Variants in CRISP2 observed in about 807,000 individuals in gnomAD.
The protein encoded by CRISP2 is cysteine rich secretory protein 2.
CRISP2 carries 29 observed loss-of-function variants against 31.7 expected under a neutral mutation model. That is an observed-to-expected ratio of 0.92 (90% confidence interval 0.68 to 1.25). CRISP2 has a LOEUF of 1.25. CRISP2 is among the 50% of genes most tolerant of loss of function. CRISP2 has a pLI of 0.00. For synonymous variants in CRISP2, 111 were observed against 101.4 expected (o/e 1.09, Z -0.57); for missense variants, 318 against 286.5 (o/e 1.11, Z -0.79).
rs1765036119 is a variant in CRISP2 at position 49,697,864 on chromosome 6, G to A, written c.511C>T (p.Pro171Ser). 1 of 1,611,004 alleles carries A rather than the reference G, an allele frequency of 6.2e-7. No homozygotes were observed. ...AACTCTAAACAGTCTACTTACGCAG[G>A]ACAATATTGGCAAACATAGTAGTAT... ...LKYYYVCQYC[P>S]AGNNMNRKNT... The change falls in exon 8 of 10, where the codon CCT (proline) becomes TCT (serine). Residue 171 changes from proline to serine, a missense_variant. Pro to Ser is a moderately conservative substitution (Grantham distance 74, BLOSUM62 -1). Transcript: ENST00000339139.
At chr6:49,711,374 T>C (rs1767982919) in intron 2 of CRISP2, 53 bp from the exon 3 acceptor site, 2 of 152,198 alleles carry the variant, frequency 1.3e-5, no homozygotes, top group South Asian at 4.1e-4. Flanking sequence ...ATTACACATA[T>C]TCCTGTTTTG....
intron 5 of CRISP2, 39 bp downstream of exon 5, chr6:49,700,629 G>T: frequency 7.7e-7 from 1 of 1,304,026 alleles, no homozygotes; most frequent in Non-Finnish European, 1.1e-6. Flanking sequence ...TCCTTCCACA[G>T]CTGATTCACA....
intron 9 of CRISP2, among the ~76,000 whole-genome samples, chr6:49,695,045 A>G (rs1486803496): frequency 6.6e-6 from 1 of 152,172 alleles, no homozygotes; most frequent in Non-Finnish European, 1.5e-5. Context: ...ACTGAGTCAG[A>G]AAAAATGCTT....
At chr6:49,710,210 C>T (rs1032674770) in intron 3 of CRISP2, among the ~76,000 whole-genome samples, 2 of 152,092 alleles carry the variant, frequency 1.3e-5, no homozygotes, top group Non-Finnish European at 2.9e-5. Flanking sequence ...TGCCTTTATG[C>T]TCAATTATGT....
chr6:49,712,858 G>A (rs1768282847), intron 1 of CRISP2, among the ~76,000 whole-genome samples: 2 of 152,124 alleles, frequency 1.3e-5, no homozygotes, highest in South Asian at 2.1e-4. Flanking sequence ...ACTACTAGTT[G>A]GCTAACTTGC....
At chr6:49,703,286 G>C (rs1448929002) in intron 4 of CRISP2, among the ~76,000 whole-genome samples, 2 of 151,476 alleles carry the variant, frequency 1.3e-5, no homozygotes, top group African/African-American at 4.9e-5. Flanking sequence ...GTTTTGTTTT[G>C]CTTTGGCTAT....
intron 4 of CRISP2, among the ~76,000 whole-genome samples, chr6:49,704,082 G>C (rs1766575135): frequency 6.6e-6 from 1 of 151,850 alleles, no homozygotes; most frequent in African/African-American, 2.4e-5. Flanking sequence ...TGTTAGAATG[G>C]GTTAATTCAA....
intron 9 of CRISP2, among the ~76,000 whole-genome samples, chr6:49,694,937 T>C (rs536956936): frequency 2.6e-4 from 40 of 152,016 alleles, no homozygotes; most frequent in Admixed American, 3.9e-4. Context: ...TTTCACCGTA[T>C]TGGCCAGGTT....
At chr6:49,683,457 G>A in the CRISP2 span, among the ~76,000 whole-genome samples, 2 of 149,224 alleles carry the variant, frequency 1.3e-5, no homozygotes, top group African/African-American at 2.5e-5. Context: ...GGCAGATCAC[G>A]AGGTCAGCAG....
At chr6:49,699,961 A>C in intron 5 of CRISP2, 70 bp from the exon 6 acceptor site, 1 of 1,327,566 alleles carries the variant, frequency 7.5e-7, no homozygotes, top group Non-Finnish European at 1.1e-6. Context: ...TTATAATCTG[A>C]TTTGTAAATA....
intron 9 of CRISP2, among the ~76,000 whole-genome samples, chr6:49,694,184 C>T (rs566745203): frequency 1.0e-3 from 152 of 152,250 alleles, no homozygotes; most frequent in African/African-American, 3.5e-3. Flanking sequence ...AACTTGGTTA[C>T]GAGAAGGGTG....
intron 2 of CRISP2, among the ~76,000 whole-genome samples, chr6:49,712,075 A>G (rs1428838566): frequency 6.6e-6 from 1 of 152,208 alleles, no homozygotes; most frequent in East Asian, 1.9e-4. Context: ...GGAAAATACA[A>G]TCAGTATAAT....
Position 49,699,898 on chromosome 6 carries a change from G to C in CRISP2, c.184-7C>G. 4 of 1,610,634 alleles carry C rather than the reference G, an allele frequency of 2.5e-6. 1 individual carries two copies. In the South Asian group the frequency reaches 3.3e-5, roughly 13 times the overall value. On this transcript the variant is annotated splice_polypyrimidine_tract_variant and splice_region_variant and intron_variant, in intron 5 of 9. Transcript: ENST00000339139. ...TTACCTCTCTGCTCCATTCCTAAAC[G>C]TCACAAGAAAACAAAATACACTTAA... is the stretch of plus-strand genomic sequence containing the variant.
rs1237182608 is a variant in CRISP2, at chr6:49,701,890, T to C, written c.67-1106A>G. 2.1e-4 allele frequency among the ~76,000 whole-genome samples: 19 copies of C among 89,150 alleles called. 1 individual carries two copies. The highest frequency in any genetic ancestry group is 8.2e-4 in the African/African-American group (18 of 21,842). The allele number at this position is 89,150 out of a possible 152,430, so 58.5% of individuals were successfully genotyped here. On this transcript the variant is annotated intron_variant, in intron 4 of 9. Coordinates refer to ENST00000339139, the MANE Select transcript of CRISP2 (RefSeq NM_003296.4). ...TATATATTATGTATTATATATTATA[T>C]ATTATTATATATTATGTATTATATA...
chr6:49,680,417 G>A, the CRISP2 span, among the ~76,000 whole-genome samples: 1 of 152,070 alleles, frequency 6.6e-6, no homozygotes, highest in South Asian at 2.1e-4. Context: ...GGGCATTTAG[G>A]TTGATTCCAT....
At chr6:49,700,451 T>C (rs915086285) in intron 5 of CRISP2, among the ~76,000 whole-genome samples, 2 of 152,200 alleles carry the variant, frequency 1.3e-5, no homozygotes, top group Non-Finnish European at 2.9e-5. Context: ...CTTCCAATTA[T>C]GCCTTCCAAA....
chr6:49,690,092 C>T (rs360565), downstream of CRISP2, among the ~76,000 whole-genome samples: 89,434 of 151,948 alleles, frequency 0.59, 26,887 homozygotes, highest in East Asian at 0.8. Context: ...ATATTGTTTG[C>T]TTATCAAAAA....
At chr6:49,683,682 AAAAAAAAAAAAAATATATATATAT>A in the CRISP2 span, among the ~76,000 whole-genome samples, 155 of 32,520 alleles carry the variant, frequency 4.8e-3, no homozygotes, top group Middle Eastern at 0.017. Context: ...AAAAAAAAAA[AAAAAAAAAAAAAATATATATATAT>A]ATATATATAT....
the CRISP2 span, among the ~76,000 whole-genome samples, chr6:49,681,094 C>G: frequency 4.6e-5 from 7 of 152,094 alleles, no homozygotes; most frequent in Admixed American, 1.3e-4. Flanking sequence ...ATGGTATTTC[C>G]TAAGTTGTCT....
Sources: gnomAD v4.1 joint callset for allele counts (sites outside exome capture counted in the v4.1 genomes callset) on GRCh38, gnomAD v4.1.1 for gene constraint, MANE v1.5 for transcripts, NCBI Gene and HGNC (gene_info 2026-07-23, HGNC 2026-07-21) for gene names.